HESX1: variants seen among roughly 807,000 people sequenced by gnomAD.
HESX1 encodes the protein homeobox expressed in ES cells 1.
A neutral mutation model predicts 22.5 loss-of-function variants in HESX1; 11 were observed. That is an observed-to-expected ratio of 0.49 (90% confidence interval 0.31 to 0.81). HESX1 has a LOEUF of 0.81. HESX1 is among the 30% of genes least tolerant of loss of function. The pLI, the probability that HESX1 is intolerant of heterozygous loss-of-function variation, is 0.05. For synonymous variants in HESX1, 74 were observed against 76.5 expected, an observed-to-expected ratio of 0.97 and a Z score of 0.17; for missense variants, 201 against 212.6, an observed-to-expected ratio of 0.95 and a Z score of 0.34.
chr3:57,202,137 T>C (rs1223622544), upstream of HESX1, among the ~76,000 whole-genome samples: 2 of 151,982 alleles, frequency 1.3e-5, no homozygotes, highest in African/African-American at 4.8e-5. Flanking sequence ...GCCAGGATGG[T>C]CTCGATATCC....
chr3:57,214,317 A>G (rs550623619), intron 1 of HESX1, among the ~76,000 whole-genome samples: 12 of 152,352 alleles, frequency 7.9e-5, no homozygotes, highest in Non-Finnish European at 1.5e-4. Context: ...CATTCTCTTT[A>G]GTCTTCTAGG....
chr3:57,209,936 G>C (rs1349697539), intron 1 of HESX1, among the ~76,000 whole-genome samples: 1 of 152,166 alleles, frequency 6.6e-6, no homozygotes, highest in Admixed American at 6.5e-5. Context: ...TGAGAAAACA[G>C]AAATTGAGAG....
At chr3:57,227,047 T>A (rs1310027584), upstream of HESX1, among the ~76,000 whole-genome samples, 1 of 152,192 alleles carries the variant, frequency 6.6e-6, no homozygotes, top group Non-Finnish European at 1.5e-5. Context: ...AATTAATCAG[T>A]GTATCCTGAT....
intron 1 of HESX1, among the ~76,000 whole-genome samples, chr3:57,208,775 A>T (rs2060534450): frequency 6.6e-6 from 1 of 151,434 alleles, no homozygotes; most frequent in African/African-American, 2.4e-5. Context: ...AGCCTGGCCA[A>T]CACGGTGAAG....
At chr3:57,227,075 C>T (rs1163948566), upstream of HESX1, among the ~76,000 whole-genome samples, 1 of 152,146 alleles carries the variant, frequency 6.6e-6, no homozygotes, top group Non-Finnish European at 1.5e-5. Flanking sequence ...AGATATTTTC[C>T]TTTGTGATTT....
intron 1 of HESX1, among the ~76,000 whole-genome samples, chr3:57,220,424 G>GTTTA (rs998572867): frequency 2.6e-5 from 4 of 151,984 alleles, no homozygotes; most frequent in African/African-American, 7.2e-5. Flanking sequence ...TTTGCCATTT[G>GTTTA]TTTATTTATT....
chr3:57,206,908 AC>A (rs1579355998), intron 1 of HESX1, among the ~76,000 whole-genome samples: 2 of 152,132 alleles, frequency 1.3e-5, no homozygotes, highest in East Asian at 3.9e-4. Context: ...TGTTCCAGAG[AC>A]TGCTAGTTGT....
chr3:57,205,175 GA>G (rs1443453311), intron 1 of HESX1, among the ~76,000 whole-genome samples: 1 of 152,174 alleles, frequency 6.6e-6, no homozygotes, highest in African/African-American at 2.4e-5. Flanking sequence ...TTGGGAGGCT[GA>G]GGGCAGAGGA....
At chr3:57,217,520 C>G (rs549468624) in intron 1 of HESX1, among the ~76,000 whole-genome samples, 4 of 152,134 alleles carry the variant, frequency 2.6e-5, no homozygotes, top group African/African-American at 9.7e-5. Context: ...CCTTACCTCA[C>G]TTGAGGACCA....
At chr3:57,203,204 T>G (rs1259935070), upstream of HESX1, among the ~76,000 whole-genome samples, 1 of 152,198 alleles carries the variant, frequency 6.6e-6, no homozygotes, top group Non-Finnish European at 1.5e-5. Flanking sequence ...TGGGGAGTTA[T>G]TTATTCAACA....
intron 1 of HESX1, 83 bp downstream of exon 1, chr3:57,199,679 G>T: frequency 1.7e-6 from 2 of 1,169,724 alleles, no homozygotes; most frequent in Non-Finnish European, 2.6e-6. Flanking sequence ...CTAAACTCTA[G>T]CTCTATGTAG....
At chr3:57,198,340 AT>A in intron 3 of HESX1, 45 bp from the exon 4 acceptor site, 1 of 1,559,038 alleles carries the variant, frequency 6.4e-7, no homozygotes. Context: ...ACATTATTTT[AT>A]TATTCTTAAC....
chr3:57,212,057 T>C (rs1315080897), intron 1 of HESX1, among the ~76,000 whole-genome samples: 1 of 152,168 alleles, frequency 6.6e-6, no homozygotes, highest in Non-Finnish European at 1.5e-5. Context: ...AAATGTTAAG[T>C]AAGTTTATTG....
intron 1 of HESX1, among the ~76,000 whole-genome samples, chr3:57,207,755 A>G (rs1272310056): frequency 1.3e-5 from 2 of 152,234 alleles, no homozygotes; most frequent in Non-Finnish European, 2.9e-5. Flanking sequence ...ATTATCAGAA[A>G]TGACTGGGAA....
intron 1 of HESX1, among the ~76,000 whole-genome samples, chr3:57,213,783 C>T (rs993389226): frequency 6.6e-5 from 10 of 151,870 alleles, no homozygotes; most frequent in African/African-American, 1.7e-4. Context: ...AACTTAGCTG[C>T]GGTGGCAGGC....
At chr3:57,215,791 A>G (rs1254142280) in intron 1 of HESX1, among the ~76,000 whole-genome samples, 3 of 152,112 alleles carry the variant, frequency 2.0e-5, no homozygotes, top group African/African-American at 7.2e-5. Context: ...CAAACAAACA[A>G]AAAAACCACA....
chr3:57,226,531 A>G (rs2060646079), upstream of HESX1: 1 of 152,266 alleles, frequency 6.6e-6, no homozygotes, highest in Admixed American at 6.5e-5. Flanking sequence ...ATAATTCCGT[A>G]AAACTACAAT....
intron 1 of HESX1, 109 bp downstream of exon 1, chr3:57,199,652 TA>T (rs1202105479): frequency 4.7e-6 from 1 of 214,932 alleles, no homozygotes; most frequent in Non-Finnish European, 6.8e-6. Context: ...ATAATAATAA[TA>T]AATTAAATTA....
At chr3:57,208,093 T>C (rs1208885639) in intron 1 of HESX1, among the ~76,000 whole-genome samples, 1 of 152,106 alleles carries the variant, frequency 6.6e-6, no homozygotes, top group East Asian at 1.9e-4. Flanking sequence ...CTTCACTTTC[T>C]TCAGAAGGTG....
Sources: allele counts gnomAD v4.1 joint callset (sites outside exome capture counted in the v4.1 genomes callset), GRCh38; gene constraint gnomAD v4.1.1; transcripts MANE v1.5; gene names NCBI Gene and HGNC (gene_info 2026-07-23, HGNC 2026-07-21).